The following CDH13 variants were observed in gnomAD, a reference collection of about 807,000 sequenced individuals.
The protein encoded by CDH13 is cadherin 13, also known as cadherin-13.
In CDH13, 24 loss-of-function variants were observed where a neutral mutation model predicts 63.8. The observed-to-expected ratio is 0.38, with a 90% CI of 0.27 to 0.53. The LOEUF (loss-of-function observed/expected upper bound fraction) is 0.53. Among genes scored for constraint, CDH13 ranks in the 20% least tolerant of loss-of-function variants. The pLI is 0.85. For synonymous variants in CDH13, 503 were observed against 355.3 expected (o/e 1.42, Z -4.67); for missense variants, 1,049 against 903.1 (o/e 1.16, Z -2.07).
At chr16:83,245,607 G>T (rs893696019) in intron 5 of CDH13, among the ~76,000 whole-genome samples, 3 of 152,142 alleles carry the variant, frequency 2.0e-5, no homozygotes, top group African/African-American at 7.2e-5. Context: ...TTTTTCATTT[G>T]AATTGTAAAT....
chr16:83,501,506 G>A (rs1185197786), intron 7 of CDH13, among the ~76,000 whole-genome samples: 2 of 152,160 alleles, frequency 1.3e-5, no homozygotes, highest in East Asian at 3.9e-4. Flanking sequence ...TAATAGGTGT[G>A]AGACAGTTTA....
At chr16:82,757,405 C>T (rs1326480948) in intron 1 of CDH13, among the ~76,000 whole-genome samples, 1 of 116,230 alleles carries the variant, frequency 8.6e-6, no homozygotes, top group African/African-American at 2.6e-5. Context: ...AATGCTTTAC[C>T]TGGGTATAGG....
At chr16:83,169,834 C>T (rs1051760246) in intron 4 of CDH13, among the ~76,000 whole-genome samples, 3 of 152,028 alleles carry the variant, frequency 2.0e-5, no homozygotes, top group Non-Finnish European at 2.9e-5. Flanking sequence ...CTTGTTTATA[C>T]AATTAACAAT....
chr16:82,986,815 C>T (rs1457187422), intron 2 of CDH13, among the ~76,000 whole-genome samples: 2 of 152,274 alleles, frequency 1.3e-5, no homozygotes, highest in East Asian at 3.9e-4. Flanking sequence ...GAATTGAGAC[C>T]ATATCTCATT....
At chr16:82,903,908 G>T (rs901358050) in intron 2 of CDH13, among the ~76,000 whole-genome samples, 1 of 152,136 alleles carries the variant, frequency 6.6e-6, no homozygotes, top group Non-Finnish European at 1.5e-5. Flanking sequence ...TGGGGCCCCA[G>T]TTCTGTCTGC....
chr16:83,439,679 C>T (rs143779111), intron 6 of CDH13, among the ~76,000 whole-genome samples: 1 of 152,118 alleles, frequency 6.6e-6, no homozygotes, highest in Admixed American at 6.6e-5. Context: ...TACGGAATGG[C>T]CTTCTTTATG....
chr16:83,777,867 T>G (rs1915229698), intron 11 of CDH13, among the ~76,000 whole-genome samples: 1 of 152,188 alleles, frequency 6.6e-6, no homozygotes. Flanking sequence ...TAAGTGAAAA[T>G]AAGGATTAGA....
intron 2 of CDH13, among the ~76,000 whole-genome samples, chr16:82,977,393 C>G (rs149010409): frequency 2.0e-5 from 3 of 152,196 alleles, no homozygotes; most frequent in African/African-American, 2.4e-5. Context: ...TGTCCCCACC[C>G]AAATCTCATC....
chr16:83,715,865 G>C (rs1023330822), intron 10 of CDH13, among the ~76,000 whole-genome samples: 21 of 152,160 alleles, frequency 1.4e-4, no homozygotes, highest in Admixed American at 1.4e-3. Context: ...CAAAGTGAAG[G>C]AAGACGAAAT....
In CDH13 at chr16:82,644,987, G is replaced by C. The variant is rs1042015320; in HGVS notation, c.45+17850G>C. Among the ~76,000 whole-genome samples, 1 of 152,118 alleles carries C rather than the reference G, an allele frequency of 6.6e-6. No individual in the cohort carries two copies. The highest frequency in any genetic ancestry group is 1.5e-5 in the Non-Finnish European group (1 of 68,020). On this transcript the variant is annotated intron_variant, in intron 1 of 13. Transcript: ENST00000567109. This position sits in a 1 kb window ranked among gnomAD's most constrained non-coding sequence, Gnocchi z 5.7. ...GGAGTTAGAGAAGTGGACCAGATTG[G>C]GTTTTGTTTTTTCACAAATGAAAGT...
intron 3 of CDH13, among the ~76,000 whole-genome samples, chr16:83,089,608 C>A (rs1008709805): frequency 6.6e-6 from 1 of 152,204 alleles, no homozygotes; most frequent in African/African-American, 2.4e-5. Context: ...ATGGGGTTCA[C>A]AGTTTAGTGG....
chr16:82,783,242 G>A (rs1018279176), intron 1 of CDH13, among the ~76,000 whole-genome samples: 5 of 152,182 alleles, frequency 3.3e-5, no homozygotes, highest in South Asian at 2.1e-4. Context: ...GCAAAGCTCC[G>A]TGAACAGGTG....
At chr16:83,771,428 G>T (rs1282066554) in intron 11 of CDH13, among the ~76,000 whole-genome samples, 1 of 152,164 alleles carries the variant, frequency 6.6e-6, no homozygotes, top group Non-Finnish European at 1.5e-5. Flanking sequence ...AATGTGCTGA[G>T]GCTCTTACAA....
intron 5 of CDH13, among the ~76,000 whole-genome samples, chr16:83,265,448 C>T (rs1907493879): frequency 6.6e-6 from 1 of 152,136 alleles, no homozygotes; most frequent in Non-Finnish European, 1.5e-5. Flanking sequence ...GATTCATTAT[C>T]TAATTTTCTT....
intron 3 of CDH13, among the ~76,000 whole-genome samples, chr16:83,108,100 C>T (rs1303381118): frequency 6.6e-6 from 1 of 152,164 alleles, no homozygotes; most frequent in African/African-American, 2.4e-5. Flanking sequence ...GGATTACAGA[C>T]ATGAGCCACC....
At chr16:82,945,648 C>T (rs991674963) in intron 2 of CDH13, among the ~76,000 whole-genome samples, 8 of 152,018 alleles carry the variant, frequency 5.3e-5, no homozygotes, top group African/African-American at 1.2e-4. Context: ...GTGAAGATAC[C>T]GCAGGATGAT....
intron 7 of CDH13, among the ~76,000 whole-genome samples, chr16:83,494,114 C>G (rs2074080757): frequency 6.6e-6 from 1 of 152,088 alleles, no homozygotes; most frequent in Non-Finnish European, 1.5e-5. Context: ...TTAGATTTAA[C>G]AAATGTTTAA....
intron 11 of CDH13, among the ~76,000 whole-genome samples, chr16:83,764,518 G>A (rs1374016096): frequency 6.6e-6 from 1 of 152,102 alleles, no homozygotes; most frequent in Admixed American, 6.6e-5. Flanking sequence ...TCTTTTAGCT[G>A]GTCCCCCACT....
At chr16:83,096,253 C>A (rs560141034) in intron 3 of CDH13, among the ~76,000 whole-genome samples, 65 of 152,300 alleles carry the variant, frequency 4.3e-4, no homozygotes, top group African/African-American at 1.5e-3. Flanking sequence ...CAGCAACCGA[C>A]CATCATGAGC....
Sources: allele counts gnomAD v4.1 joint callset (sites outside exome capture counted in the v4.1 genomes callset), GRCh38; gene constraint gnomAD v4.1.1; non-coding constraint Gnocchi (gnomAD v3.1); transcripts MANE v1.5; gene names NCBI Gene and HGNC (gene_info 2026-07-23, HGNC 2026-07-21).